PRDM13: variants seen among roughly 807,000 people sequenced by gnomAD.
PRDM13 encodes the protein PR/SET domain 13, also known as PR domain zinc finger protein 13.
A neutral mutation model predicts 36.4 loss-of-function variants in PRDM13; 15 were observed. That is an observed-to-expected ratio of 0.41 (90% confidence interval 0.28 to 0.64). The LOEUF is 0.64. Ranked by LOEUF, PRDM13 falls within the 30% of genes least tolerant of loss-of-function variation. The probability of loss-of-function intolerance (pLI) is 0.29; values close to 1 mark genes in which losing one functional copy is unlikely to be tolerated. For missense variants in PRDM13, 1,044 were observed against 1,013.5 expected (o/e 1.03, Z -0.41); for synonymous variants, 531 against 467.7 (o/e 1.14, Z -1.75).
chr6:99,608,435 G>A (rs904549082), intron 1 of PRDM13, among the ~76,000 whole-genome samples: 3 of 152,156 alleles, frequency 2.0e-5, no homozygotes, highest in Non-Finnish European at 2.9e-5. Flanking sequence ...TGGGGTAGGG[G>A]ACAACTTGGT....
chr6:99,608,933 G>A (rs1328991670), intron 2 of PRDM13, 61 bp downstream of exon 2: 3 of 1,555,274 alleles, frequency 1.9e-6, no homozygotes, highest in East Asian at 2.3e-5. Context: ...CTACCTAACC[G>A]TCCCTGCGGT....
chr6:99,613,341 T>G lies in PRDM13; in HGVS notation c.706T>G (p.Ser236Ala). Residue 236 changes from serine (S) to alanine (A), a missense_variant, in exon 4 of 4, where the codon TCG becomes GCG. Physicochemically the swap from Ser to Ala is moderately conservative, Grantham distance 99. Around this residue, in one of 3 missense-constraint regions of PRDM13, gnomAD observed 921 missense variants for 865.2 expected, o/e 1.06. Transcript: ENST00000369215. This position sits in a 1 kb window ranked among gnomAD's most constrained non-coding sequence, Gnocchi z 6.1. ...GIKREASSAP[S>A]ATSPTPGKWG... ...CAAGCGCGAGGCCTCTTCCGCGCCC[T>G]CGGCCACCTCGCCGACCCCAGGCAA... 2 of 1,549,062 alleles carry G rather than the reference T, an allele frequency of 1.3e-6. No individual in the cohort carries two copies. Among genetic ancestry groups the G allele is most frequent in the Non-Finnish European group, 1.7e-6 (2 of 1,152,776 alleles).
Position 99,614,406 on chromosome 6 carries a change from C to G in PRDM13, c.1771C>G (p.His591Asp). Residue 591 changes from histidine (H) to aspartate (D), a missense_variant, in exon 4 of 4, where the codon CAC becomes GAC. By Grantham distance (81) the His-to-Asp change is moderately conservative. This residue lies in a region of PRDM13 where 921 missense variants were observed against 865.2 expected (regional missense o/e 1.06). Transcript: ENST00000369215. ...LYSRKYGLKIHMRTHTGYKPL... is the reference protein window; with the variant it reads ...LYSRKYGLKIDMRTHTGYKPL... ...CTCGCGCAAGTATGGGCTCAAGATCCACATGCGGACGCACACGGGCTACAA... is the reference window on the plus strand; with the variant it reads ...CTCGCGCAAGTATGGGCTCAAGATCGACATGCGGACGCACACGGGCTACAA... The G allele has an allele frequency of 1.2e-6, 2 of 1,613,466 alleles. No homozygotes were observed. The highest frequency in any genetic ancestry group is 1.7e-6 in the Non-Finnish European group (2 of 1,179,998).
intron 1 of PRDM13, among the ~76,000 whole-genome samples, chr6:99,608,310 G>A (rs1769980567): frequency 6.6e-6 from 1 of 152,206 alleles, no homozygotes; most frequent in Non-Finnish European, 1.5e-5. Flanking sequence ...AATACAGGAG[G>A]CATGAGATAA....
chr6:99,613,053 T>C lies in PRDM13; in HGVS notation c.418T>C (p.Trp140Arg), dbSNP rs1393291914. 1.9e-6 allele frequency: 3 copies of C among 1,609,434 alleles called. No homozygotes were observed. Reference protein sequence around the residue: ...DEKGEERYICWYCWRTFRYPN... With the variant: ...DEKGEERYICRYCWRTFRYPN... ...CCCAGGGGAGGAGCGCTACATCTGCTGGTACTGCTGGAGGACGTTTAGATA... is the reference window on the plus strand; with the variant it reads ...CCCAGGGGAGGAGCGCTACATCTGCCGGTACTGCTGGAGGACGTTTAGATA... Residue 140 changes from tryptophan (W) to arginine (R), a missense_variant, in exon 4 of 4, where the codon TGG (tryptophan) becomes CGG (arginine). Transcript: ENST00000369215. The surrounding 1 kb of genome is among the most constrained non-coding windows in gnomAD (Gnocchi z 6.1).
Position 99,608,749 on chromosome 6 carries a change from G to C in PRDM13, c.153G>C (p.Met51Ile). 1 of 1,608,892 alleles carries C rather than the reference G, an allele frequency of 6.2e-7. No homozygotes were observed. The highest frequency in any genetic ancestry group is 8.5e-7 in the Non-Finnish European group (1 of 1,177,674). The change falls in exon 2 of 4, where the codon ATG (methionine) becomes ATC (isoleucine). Residue 51 changes from methionine to isoleucine, a missense_variant. By Grantham distance (10) the Met-to-Ile change is conservative (BLOSUM62 1). Coordinates refer to ENST00000369215, the MANE Select transcript of PRDM13 (RefSeq NM_021620.4). ...CACTGCTTGTGTTGCAGGTGCGCAT[G>C]GTGAGAGGGGAGCTGGTGGACGAGT... ...REPGPKKKVR[M>I]VRGELVDESG...
intron 1 of PRDM13, 58 bp downstream of exon 1, chr6:99,607,236 G>T (rs1412956300): frequency 6.3e-7 from 1 of 1,594,798 alleles, no homozygotes; most frequent in Admixed American, 1.7e-5. Context: ...CCTGACCCGG[G>T]AAAGGGGTAC....
In PRDM13 at chr6:99,613,562, C is replaced by T. The variant is rs1232580984; in HGVS notation, c.927C>T (p.Gly309=). The T allele has an allele frequency of 9.3e-6, 14 of 1,503,566 alleles. No homozygotes were observed. The highest frequency in any genetic ancestry group is 1.2e-5 in the Non-Finnish European group (14 of 1,135,852). 93.1% of individuals were successfully genotyped at this position (1,503,566 alleles called of 1,614,324 possible). A position where few individuals can be genotyped will look rare whatever the true frequency, so the allele number is the denominator to read the frequency against. ...GLARAAAAAH[G]DPYREESSSK... is the part of the protein sequence containing the mutation. ...CGAGGGCGGCGGCGGCCGCTCACGG[C>T]GACCCCTACCGGGAGGAGAGCAGCA... Residue 309 remains glycine (G), a synonymous_variant, in exon 4 of 4, where the codon GGC becomes GGT. Transcript: ENST00000369215. The surrounding 1 kb of genome is among the most constrained non-coding windows in gnomAD (Gnocchi z 6.1).
Position 99,614,867 on chromosome 6 carries a change from GT to G in PRDM13, c.*113del. 7.2e-7 allele frequency: 1 copy of G among 1,392,944 alleles called. No homozygotes were observed. The highest frequency in any genetic ancestry group is 2.6e-4 in the Middle Eastern group (1 of 3,798). 86.3% of individuals were successfully genotyped at this position (1,392,944 alleles called of 1,614,324 possible). A position where few individuals can be genotyped will look rare whatever the true frequency, so the allele number is the denominator to read the frequency against. ...GAAGAGGGACCCAATGGACAAAACC[GT>G]TTTTGTTTTTGAGAGGGCGCCAGAT... On this transcript the variant is annotated 3_prime_UTR_variant, in exon 4 of 4. Coordinates refer to ENST00000369215, the MANE Select transcript of PRDM13 (RefSeq NM_021620.4).
intron 1 of PRDM13, 69 bp downstream of exon 1, chr6:99,607,247 G>A (rs1769960992): frequency 1.3e-6 from 2 of 1,580,994 alleles, no homozygotes; most frequent in Middle Eastern, 1.7e-4. Flanking sequence ...AAAGGGGTAC[G>A]AGAGAAAGTG....
In PRDM13 at chr6:99,613,760, G is replaced by A; in HGVS notation, c.1125G>A (p.Pro375=). 3 of 1,492,496 alleles carry A rather than the reference G, an allele frequency of 2.0e-6. No individual in the cohort carries two copies. The highest frequency in any genetic ancestry group is 2.8e-5 in the East Asian group (1 of 35,396). 92.5% of individuals were successfully genotyped at this position (1,492,496 alleles called of 1,614,324 possible). ...KCLLAGDPPP[P]PPPGLPCSGA... ...TGCTCGCTGGGGACCCGCCGCCGCC[G>A]CCGCCGCCTGGCCTGCCCTGCTCTG... The change falls in exon 4 of 4, where the codon CCG becomes CCA. Residue 375 remains proline (P), a synonymous_variant. Coordinates refer to ENST00000369215, the MANE Select transcript of PRDM13 (RefSeq NM_021620.4). The surrounding 1 kb of genome is among the most constrained non-coding windows in gnomAD (Gnocchi z 6.1).
At chr6:99,611,931 C>T (rs1770037064) in intron 3 of PRDM13, among the ~76,000 whole-genome samples, 1 of 152,110 alleles carries the variant, frequency 6.6e-6, no homozygotes, top group African/African-American at 2.4e-5. Flanking sequence ...AGTAATATGA[C>T]CCTTTTAAGT....
chr6:99,614,468 C>A lies in PRDM13; in HGVS notation c.1833C>A (p.Gly611=). 1 of 1,613,488 alleles carries A rather than the reference C, an allele frequency of 6.2e-7. No homozygotes were observed. Among genetic ancestry groups the A allele is most frequent in the Non-Finnish European group, 8.5e-7 (1 of 1,180,018 alleles). Residue 611 remains glycine (G), a synonymous_variant, in exon 4 of 4, where the codon GGC becomes GGA. Transcript: ENST00000369215. The part of the protein sequence containing the change: ...LKCKVCLRPF[G]DPSNLNKHIR... ...GCAAAGTCTGTCTGCGGCCCTTCGG[C>A]GACCCCAGCAATCTCAACAAGCACA...
chr6:99,613,349 C>T lies in PRDM13; in HGVS notation c.714C>T (p.Thr238=). ...AGGCCTCTTCCGCGCCCTCGGCCAC[C>T]TCGCCGACCCCAGGCAAGTGGGGGC... ...KREASSAPSA[T]SPTPGKWGQP... The change falls in exon 4 of 4, where the codon ACC becomes ACT. Residue 238 remains threonine, a synonymous_variant. Coordinates refer to ENST00000369215, the MANE Select transcript of PRDM13 (RefSeq NM_021620.4). This position sits in a 1 kb window ranked among gnomAD's most constrained non-coding sequence, Gnocchi z 6.1. 1 of 1,548,420 alleles carries T rather than the reference C, an allele frequency of 6.5e-7. No homozygotes were observed. Among genetic ancestry groups the T allele is most frequent in the Non-Finnish European group, 8.7e-7 (1 of 1,152,782 alleles).
Position 99,613,056 on chromosome 6 carries a change from T to A in PRDM13, c.421T>A (p.Tyr141Asn), listed in dbSNP as rs371644111. ...AGGGGAGGAGCGCTACATCTGCTGG[T>A]ACTGCTGGAGGACGTTTAGATACCC... ...EKGEERYICW[Y>N]CWRTFRYPNS... The change falls in exon 4 of 4, where the codon TAC (tyrosine) becomes AAC (asparagine). Residue 141 changes from tyrosine to asparagine, a missense_variant. By Grantham distance (143) the Tyr-to-Asn change is moderately radical. Coordinates refer to ENST00000369215, the MANE Select transcript of PRDM13 (RefSeq NM_021620.4). This position sits in a 1 kb window ranked among gnomAD's most constrained non-coding sequence, Gnocchi z 6.1. The A allele has an allele frequency of 4.3e-6, 7 of 1,609,384 alleles. No homozygotes were observed. Among genetic ancestry groups the A allele is most frequent in the African/African-American group, 1.3e-5 (1 of 74,722 alleles).
intron 1 of PRDM13, 162 bp downstream of exon 1, chr6:99,607,340 T>A (rs1769962569): frequency 2.7e-6 from 3 of 1,100,870 alleles, no homozygotes; most frequent in East Asian, 2.8e-5. Context: ...GTAGCCTCTT[T>A]AACTGTGAGA....
chr6:99,607,004 C>T lies in PRDM13; in HGVS notation c.-31C>T, dbSNP rs2114494919. ...CGCGCCCTTCCAAGGACCTGGAGCA[C>T]CCGAGCGCCTGCCTGGTGGCGGCGG... On this transcript the variant is annotated 5_prime_UTR_variant, in exon 1 of 4. Coordinates refer to ENST00000369215, the MANE Select transcript of PRDM13 (RefSeq NM_021620.4). The T allele has an allele frequency of 1.9e-6, 3 of 1,591,566 alleles. No individual in the cohort carries two copies. The highest frequency in any genetic ancestry group is 1.3e-5 in the African/African-American group (1 of 74,576).
Position 99,614,342 on chromosome 6 carries a change from C to G in PRDM13, c.1707C>G (p.Pro569=), listed in dbSNP as rs1348013366. The G allele has an allele frequency of 3.7e-6, 6 of 1,611,232 alleles. No homozygotes were observed. Among genetic ancestry groups the G allele is most frequent in the African/African-American group, 2.7e-5 (2 of 74,860 alleles). ...GGSGGSGAGK[P]KTGHLCLYCG... ...GCGGAGGCAGCGGCGCAGGTAAGCCCAAGACCGGCCACCTGTGCCTCTACT... is the reference window on the plus strand; with the variant it reads ...GCGGAGGCAGCGGCGCAGGTAAGCCGAAGACCGGCCACCTGTGCCTCTACT... Residue 569 remains proline, a synonymous_variant, in exon 4 of 4, where the codon CCC becomes CCG. Transcript: ENST00000369215.
In PRDM13 at chr6:99,607,192, A is replaced by C; in HGVS notation, c.144+14A>C. 6.2e-7 allele frequency: 1 copy of C among 1,612,808 alleles called. No individual in the cohort carries two copies. Among genetic ancestry groups the C allele is most frequent in the South Asian group, 1.1e-5 (1 of 90,978 alleles). ...CCTAAGAAAAAGGTATTGACCATTC[A>C]GACCTCTGCCCACTGCCATTCGCCT... On this transcript the variant is annotated intron_variant, in intron 1 of 3. Coordinates refer to ENST00000369215, the MANE Select transcript of PRDM13 (RefSeq NM_021620.4).
Sources: gnomAD v4.1 joint callset for allele counts (sites outside exome capture counted in the v4.1 genomes callset) on GRCh38, gnomAD v4.1.1 for gene constraint, gnomAD v4.1.1 regional missense constraint, Gnocchi (gnomAD v3.1) non-coding constraint, MANE v1.5 for transcripts, NCBI Gene and HGNC (gene_info 2026-07-23, HGNC 2026-07-21) for gene names.